The following SLC4A10 variants were observed in gnomAD, a reference collection of about 807,000 sequenced individuals.
SLC4A10 encodes the protein sodium-driven chloride bicarbonate exchanger.
SLC4A10 carries 42 observed loss-of-function variants against 137.7 expected under a neutral mutation model. The observed-to-expected ratio is 0.30, with a 90% CI of 0.24 to 0.39. The LOEUF (loss-of-function observed/expected upper bound fraction) is 0.39. Among genes scored for constraint, SLC4A10 ranks in the 10% least tolerant of loss-of-function variants. SLC4A10 has a pLI of 1.00. For synonymous variants in SLC4A10, 474 were observed against 464.1 expected, an observed-to-expected ratio of 1.02 and a Z score of -0.27; for missense variants, 925 against 1,355.0, an observed-to-expected ratio of 0.68 and a Z score of 4.98.
chr2:161,762,866 A>C (rs7609393), intron 1 of SLC4A10, among the ~76,000 whole-genome samples: 17,120 of 152,048 alleles, frequency 0.11, 1,633 homozygotes, highest in African/African-American at 0.26. Context: ...CACTTAAAAA[A>C]CTAGCTCTTA....
chr2:161,720,824 C>CTTTTTTTTT (rs375436761), intron 1 of SLC4A10, among the ~76,000 whole-genome samples: 1 of 145,234 alleles, frequency 6.9e-6, no homozygotes. Context: ...AGTCTTGACT[C>CTTTTTTTTT]TTTTTTTTTT....
rs1307128971 is a variant in SLC4A10, at chr2:161,764,525, CAT to C, written c.49-6445_49-6444del. On this transcript the variant is annotated intron_variant, in intron 1 of 26. Coordinates refer to ENST00000446997, the MANE Select transcript of SLC4A10 (RefSeq NM_001178015.2). Reference sequence around the variant, plus strand: ...TAAAAGGCTTACAAAATGGATATAACATATTTGAATTTTATAGCTCATGGCAT... The same window carrying C: ...TAAAAGGCTTACAAAATGGATATAACATTTGAATTTTATAGCTCATGGCAT... Among the ~76,000 whole-genome samples the C allele has an allele frequency of 3.3e-5, 5 of 152,034 alleles. No homozygotes were observed. The East Asian group carries it at 7.7e-4, about 23-fold the overall frequency.
intron 23 of SLC4A10, among the ~76,000 whole-genome samples, chr2:161,966,278 A>C (rs1575895268): frequency 1.3e-5 from 2 of 152,222 alleles, no homozygotes; most frequent in East Asian, 3.9e-4. Context: ...GAGATTCATC[A>C]TGATGATGTG....
intron 1 of SLC4A10, among the ~76,000 whole-genome samples, chr2:161,769,223 A>G (rs562402482): frequency 1.3e-5 from 2 of 152,066 alleles, no homozygotes; most frequent in East Asian, 1.9e-4. Context: ...GCCCATATCA[A>G]TAAAGTCAGC....
At chr2:161,837,670 C>A (rs527776261) in intron 3 of SLC4A10, among the ~76,000 whole-genome samples, 157 of 152,276 alleles carry the variant, frequency 1.0e-3, no homozygotes, top group African/African-American at 3.6e-3. Flanking sequence ...TTGGGAGACT[C>A]ATACCATCTG....
At chr2:161,954,554 TA>T (rs1282710368) in intron 19 of SLC4A10, among the ~76,000 whole-genome samples, 1 of 152,210 alleles carries the variant, frequency 6.6e-6, no homozygotes, top group African/African-American at 2.4e-5. Context: ...CTGGCATGCC[TA>T]TCAGCTAATA....
intron 3 of SLC4A10, among the ~76,000 whole-genome samples, chr2:161,814,500 C>CCATGG (rs1328793721): frequency 6.6e-6 from 1 of 152,050 alleles, no homozygotes; most frequent in Non-Finnish European, 1.5e-5. Flanking sequence ...GTGCTATTCA[C>CCATGG]CATGGCAAAG....
At chr2:161,767,219 T>C (rs533320786) in intron 1 of SLC4A10, among the ~76,000 whole-genome samples, 160 of 101,668 alleles carry the variant, frequency 1.6e-3, no homozygotes, top group Non-Finnish European at 2.3e-3. Context: ...TATATACACA[T>C]ATATATATAT....
chr2:161,980,869 A>C (rs1021591542), intron 26 of SLC4A10, among the ~76,000 whole-genome samples: 1 of 152,214 alleles, frequency 6.6e-6, no homozygotes, highest in African/African-American at 2.4e-5. Flanking sequence ...TGTTTATTAC[A>C]ATGACAGATA....
At chr2:161,633,433 T>A (rs1378087557) in intron 1 of SLC4A10, among the ~76,000 whole-genome samples, 1 of 151,736 alleles carries the variant, frequency 6.6e-6, no homozygotes, top group African/African-American at 2.4e-5. Context: ...GTTAAGAGTT[T>A]GGACATTGGA....
intron 1 of SLC4A10, among the ~76,000 whole-genome samples, chr2:161,769,922 G>A (rs909143885): frequency 7.2e-6 from 1 of 138,930 alleles, no homozygotes; most frequent in Non-Finnish European, 1.7e-5. Context: ...GGTCCCCAAT[G>A]TCTGATGCTC....
chr2:161,900,541 GT>G (rs1682851448), intron 11 of SLC4A10, among the ~76,000 whole-genome samples: 1 of 151,854 alleles, frequency 6.6e-6, no homozygotes, highest in African/African-American at 2.4e-5. Context: ...ATATTATAAG[GT>G]TATTGTCTCT....
intron 14 of SLC4A10, among the ~76,000 whole-genome samples, chr2:161,905,358 T>C (rs993065095): frequency 6.6e-6 from 1 of 152,248 alleles, no homozygotes; most frequent in East Asian, 1.9e-4. Flanking sequence ...GGGCTTGTGC[T>C]CCTATGAGAA....
chr2:161,763,538 C>A (rs903287956), intron 1 of SLC4A10, among the ~76,000 whole-genome samples: 1 of 152,036 alleles, frequency 6.6e-6, no homozygotes, highest in East Asian at 1.9e-4. Context: ...TAGTACTACC[C>A]CTAGGCCTAA....
At chr2:161,698,290 C>A (rs1472465095) in intron 1 of SLC4A10, among the ~76,000 whole-genome samples, 2 of 152,114 alleles carry the variant, frequency 1.3e-5, no homozygotes, top group African/African-American at 4.8e-5. Context: ...TAATTGAATA[C>A]CCTTTATTTC....
At chr2:161,951,163 A>G (rs775182410) in intron 19 of SLC4A10, among the ~76,000 whole-genome samples, 8 of 152,190 alleles carry the variant, frequency 5.3e-5, no homozygotes, top group Non-Finnish European at 1.0e-4. Context: ...AAGTACAACC[A>G]TACCAACTTG....
intron 23 of SLC4A10, among the ~76,000 whole-genome samples, chr2:161,967,785 CTT>C (rs967012171): frequency 2.0e-5 from 3 of 152,026 alleles, no homozygotes; most frequent in Middle Eastern, 3.2e-3. Context: ...GAATTTAACT[CTT>C]GTTTATATCA....
At chr2:161,828,663 C>T (rs1177779918) in intron 3 of SLC4A10, among the ~76,000 whole-genome samples, 2 of 144,858 alleles carry the variant, frequency 1.4e-5, no homozygotes, top group East Asian at 2.0e-4. Context: ...TTTTTTCATC[C>T]TTGTTTGATT....
chr2:161,981,268 G>A (rs755663799), intron 26 of SLC4A10, among the ~76,000 whole-genome samples: 15 of 152,192 alleles, frequency 9.9e-5, no homozygotes, highest in Non-Finnish European at 1.8e-4. Context: ...CACAGTAATT[G>A]CACATGTGTA....
Sources: allele counts gnomAD v4.1 joint callset (sites outside exome capture counted in the v4.1 genomes callset), GRCh38; gene constraint gnomAD v4.1.1; transcripts MANE v1.5; gene names NCBI Gene and HGNC (gene_info 2026-07-23, HGNC 2026-07-21).